Variants in PDZRN4 observed in about 807,000 individuals in gnomAD.
PDZRN4 encodes PDZ domain containing ring finger 4.
In PDZRN4, 70 loss-of-function variants were observed where a neutral mutation model predicts 99.0. That is an observed-to-expected ratio of 0.71 (90% CI 0.58 to 0.86). PDZRN4 has a LOEUF of 0.86. PDZRN4 is among the 40% of genes least tolerant of loss of function. PDZRN4 has a pLI of 0.00. For missense variants in PDZRN4, 1,474 were observed against 1,331.2 expected (o/e 1.11, Z -1.67); for synonymous variants, 551 against 501.6 (o/e 1.10, Z -1.32).
At chr12:41,368,387 A>G (rs1952017490) in intron 3 of PDZRN4, among the ~76,000 whole-genome samples, 2 of 152,060 alleles carry the variant, frequency 1.3e-5, no homozygotes, top group African/African-American at 4.8e-5. Flanking sequence ...AGCACACCTA[A>G]TAGTGCCAGA....
chr12:41,315,606 T>A (rs944800545), intron 3 of PDZRN4, among the ~76,000 whole-genome samples: 12 of 152,118 alleles, frequency 7.9e-5, no homozygotes, highest in Non-Finnish European at 1.5e-4. Context: ...ATAAATGCAG[T>A]TTTGATATAA....
intron 3 of PDZRN4, among the ~76,000 whole-genome samples, chr12:41,465,527 G>C (rs1952916541): frequency 6.6e-6 from 1 of 152,170 alleles, no homozygotes; most frequent in African/African-American, 2.4e-5. Flanking sequence ...ATTATGTATT[G>C]AAACAATAGT....
At chr12:41,282,652 C>G (rs1259437297) in intron 3 of PDZRN4, among the ~76,000 whole-genome samples, 3 of 152,086 alleles carry the variant, frequency 2.0e-5, no homozygotes, top group African/African-American at 7.2e-5. Context: ...TGCAAAAGAA[C>G]GGAAATCAAA....
chr12:41,500,217 A>C (rs1484993221), intron 3 of PDZRN4, among the ~76,000 whole-genome samples: 1 of 151,946 alleles, frequency 6.6e-6, no homozygotes, highest in Non-Finnish European at 1.5e-5. Context: ...TGCCTGGGTT[A>C]GATATCACTT....
At chr12:41,309,478 C>T (rs1204897359) in intron 3 of PDZRN4, among the ~76,000 whole-genome samples, 1 of 152,092 alleles carries the variant, frequency 6.6e-6, no homozygotes, top group Non-Finnish European at 1.5e-5. Flanking sequence ...TCCATTCACT[C>T]CACCCTCACG....
chr12:41,325,989 T>A (rs1244023456), intron 3 of PDZRN4, among the ~76,000 whole-genome samples: 1 of 152,118 alleles, frequency 6.6e-6, no homozygotes, highest in Admixed American at 6.6e-5. Flanking sequence ...CTTCTCTTTT[T>A]TTTTCTTGTT....
chr12:41,430,167 G>A (rs1952575145), intron 3 of PDZRN4, among the ~76,000 whole-genome samples: 1 of 152,048 alleles, frequency 6.6e-6, no homozygotes, highest in African/African-American at 2.4e-5. Context: ...TTCACACATT[G>A]TGCATTAAAA....
chr12:41,218,914 G>A (rs967024079), intron 3 of PDZRN4, among the ~76,000 whole-genome samples: 2 of 151,552 alleles, frequency 1.3e-5, no homozygotes, highest in African/African-American at 4.9e-5. Flanking sequence ...CCAATAGCTA[G>A]GAATATTATT....
In PDZRN4 at chr12:41,250,175, T is replaced by A. The variant is rs1444089359; in HGVS notation, c.843+55987T>A. Reference sequence around the variant, plus strand: ...TTCTGACCACTCCAGACTCTCAAAGTATTATTTTTTTGTAACTAGTCTGTA... The same window carrying A: ...TTCTGACCACTCCAGACTCTCAAAGAATTATTTTTTTGTAACTAGTCTGTA... On this transcript the variant is annotated intron_variant, in intron 3 of 9. Transcript: ENST00000402685. 3.3e-5 allele frequency among the ~76,000 whole-genome samples: 5 copies of A among 152,172 alleles called. No individual in the cohort carries two copies. In the East Asian group the frequency reaches 9.6e-4, roughly 29 times the overall value.
chr12:41,512,980 T>C (rs1010553860), intron 5 of PDZRN4, among the ~76,000 whole-genome samples: 4 of 152,114 alleles, frequency 2.6e-5, no homozygotes, highest in Non-Finnish European at 5.9e-5. Context: ...ACTGCATTTC[T>C]GAACTTGCTA....
At chr12:41,394,543 C>T (rs1347531547) in intron 3 of PDZRN4, among the ~76,000 whole-genome samples, 4 of 152,142 alleles carry the variant, frequency 2.6e-5, no homozygotes, top group Non-Finnish European at 5.9e-5. Flanking sequence ...AATCCAGCAA[C>T]ATCTTAGCTG....
intron 3 of PDZRN4, among the ~76,000 whole-genome samples, chr12:41,405,420 T>C (rs1452236730): frequency 6.6e-6 from 1 of 152,174 alleles, no homozygotes; most frequent in African/African-American, 2.4e-5. Context: ...CCAGTCAGAA[T>C]GGTTATTATT....
intron 3 of PDZRN4, among the ~76,000 whole-genome samples, chr12:41,277,427 C>A (rs574930364): frequency 6.6e-6 from 1 of 152,146 alleles, no homozygotes; most frequent in African/African-American, 2.4e-5. Flanking sequence ...ACTGCAGAGG[C>A]GAATTTCCCA....
chr12:41,450,975 A>G (rs1952769683), intron 3 of PDZRN4, among the ~76,000 whole-genome samples: 1 of 151,814 alleles, frequency 6.6e-6, no homozygotes, highest in Non-Finnish European at 1.5e-5. Context: ...TGTATATATT[A>G]CTATATATAT....
At chr12:41,399,768 G>A (rs376448520) in intron 3 of PDZRN4, among the ~76,000 whole-genome samples, 10 of 151,770 alleles carry the variant, frequency 6.6e-5, no homozygotes, top group East Asian at 3.9e-4. Context: ...AACCTATAGC[G>A]GTATGTTAAT....
At chr12:41,365,738 C>G (rs758550474) in intron 3 of PDZRN4, among the ~76,000 whole-genome samples, 2 of 152,054 alleles carry the variant, frequency 1.3e-5, no homozygotes, top group Non-Finnish European at 1.5e-5. Flanking sequence ...TTACATCCTT[C>G]AGATAAGGAC....
chr12:41,390,164 C>T (rs1269685955), intron 3 of PDZRN4, among the ~76,000 whole-genome samples: 1 of 152,040 alleles, frequency 6.6e-6, no homozygotes, highest in African/African-American at 2.4e-5. Flanking sequence ...ATTGTGTACT[C>T]TTAACACTGA....
intron 3 of PDZRN4, among the ~76,000 whole-genome samples, chr12:41,297,262 A>G (rs1005898972): frequency 6.6e-6 from 1 of 152,232 alleles, no homozygotes; most frequent in African/African-American, 2.4e-5. Flanking sequence ...GTAAGGAAAA[A>G]AACATTTAAT....
At chr12:41,385,626 A>G (rs1952163703) in intron 3 of PDZRN4, among the ~76,000 whole-genome samples, 1 of 152,218 alleles carries the variant, frequency 6.6e-6, no homozygotes, top group Non-Finnish European at 1.5e-5. Flanking sequence ...ACAAGGAAGA[A>G]ACTGAATCGC....
Sources: gnomAD v4.1 joint callset for allele counts (sites outside exome capture counted in the v4.1 genomes callset) on GRCh38, gnomAD v4.1.1 for gene constraint, MANE v1.5 for transcripts, NCBI Gene and HGNC (gene_info 2026-07-23, HGNC 2026-07-21) for gene names.